The following VWC2L variants were observed in gnomAD, a reference collection of about 807,000 sequenced individuals.
The protein encoded by VWC2L is von Willebrand factor C domain containing 2 like.
In VWC2L, 10 loss-of-function variants were observed where a neutral mutation model predicts 21.6. The observed-to-expected ratio is 0.46, with a 90% CI of 0.29 to 0.78. The LOEUF is 0.78. VWC2L is among the 30% of genes least tolerant of loss of function. VWC2L has a pLI of 0.10. For synonymous variants in VWC2L, 96 were observed against 94.3 expected (o/e 1.02, Z -0.10); for missense variants, 209 against 277.1 (o/e 0.75, Z 1.74).
At chr2:214,470,309 C>G (rs961399255) in intron 3 of VWC2L, among the ~76,000 whole-genome samples, 1 of 151,006 alleles carries the variant, frequency 6.6e-6, no homozygotes, top group African/African-American at 2.4e-5. Context: ...AACTAGAACA[C>G]AACTCTCCTC....
chr2:214,528,732 A>G (rs1437602935), intron 3 of VWC2L, among the ~76,000 whole-genome samples: 1 of 152,170 alleles, frequency 6.6e-6, no homozygotes, highest in Non-Finnish European at 1.5e-5. Flanking sequence ...AACATATCAA[A>G]GTAGCGGGGA....
intron 2 of VWC2L, among the ~76,000 whole-genome samples, chr2:214,419,977 G>A (rs764720595): frequency 1.3e-5 from 2 of 152,008 alleles, no homozygotes; most frequent in Non-Finnish European, 1.5e-5. Context: ...GAGAATCGCT[G>A]GAACCTGGGA....
chr2:214,499,295 G>T (rs1344867363), intron 3 of VWC2L, among the ~76,000 whole-genome samples: 1 of 152,036 alleles, frequency 6.6e-6, no homozygotes, highest in Non-Finnish European at 1.5e-5. Context: ...TGGGATTACA[G>T]GCATGAGCCA....
intron 3 of VWC2L, among the ~76,000 whole-genome samples, chr2:214,537,392 T>A (rs1278836212): frequency 6.6e-6 from 1 of 151,960 alleles, no homozygotes; most frequent in Non-Finnish European, 1.5e-5. Context: ...CTGGAAGACA[T>A]TATGCCAAGT....
intron 3 of VWC2L, among the ~76,000 whole-genome samples, chr2:214,523,352 T>C (rs1165937855): frequency 1.3e-5 from 2 of 152,262 alleles, no homozygotes; most frequent in Non-Finnish European, 2.9e-5. Context: ...TTCTATGAGA[T>C]GCCCAACTCA....
At chr2:214,480,391 A>G (rs1249885582) in intron 3 of VWC2L, among the ~76,000 whole-genome samples, 1 of 152,228 alleles carries the variant, frequency 6.6e-6, no homozygotes, top group Non-Finnish European at 1.5e-5. Flanking sequence ...TGGAAGATGA[A>G]TGGACAATTA....
At chr2:214,416,108 G>T (rs187622482) in intron 2 of VWC2L, among the ~76,000 whole-genome samples, 1 of 151,976 alleles carries the variant, frequency 6.6e-6, no homozygotes, top group Non-Finnish European at 1.5e-5. Flanking sequence ...ATACAAAAGG[G>T]TATTGTAGGA....
intron 3 of VWC2L, among the ~76,000 whole-genome samples, chr2:214,571,915 T>C (rs573578301): frequency 6.6e-6 from 1 of 152,138 alleles, no homozygotes; most frequent in South Asian, 2.1e-4. Flanking sequence ...GCCTCCCCAG[T>C]ATCTGGGACA....
intron 3 of VWC2L, among the ~76,000 whole-genome samples, chr2:214,457,339 A>G (rs898302297): frequency 3.3e-5 from 5 of 152,104 alleles, no homozygotes; most frequent in Admixed American, 2.0e-4. Context: ...GGTGTATAGA[A>G]ACACTATTGA....
intron 3 of VWC2L, among the ~76,000 whole-genome samples, chr2:214,516,174 A>G (rs1396035824): frequency 1.3e-5 from 2 of 151,954 alleles, no homozygotes; most frequent in African/African-American, 2.4e-5. Context: ...CACCACCACA[A>G]TTGGCAAATA....
chr2:214,434,343 A>G (rs994305548), intron 2 of VWC2L, among the ~76,000 whole-genome samples: 3 of 152,152 alleles, frequency 2.0e-5, no homozygotes, highest in African/African-American at 7.2e-5. Context: ...CAAGAATGTA[A>G]CACTTGTGGC....
chr2:214,459,533 TTG>T (rs779059318), intron 3 of VWC2L, among the ~76,000 whole-genome samples: 73 of 152,306 alleles, frequency 4.8e-4, no homozygotes, highest in Non-Finnish European at 9.0e-4. Context: ...TCTTCTTCAT[TTG>T]TGTTTGCTTT....
chr2:214,494,554 GAC>G (rs777257968), intron 3 of VWC2L, among the ~76,000 whole-genome samples: 2 of 152,120 alleles, frequency 1.3e-5, no homozygotes, highest in Non-Finnish European at 2.9e-5. Context: ...TCATGTTTGT[GAC>G]AGTGTCCTCC....
intron 3 of VWC2L, among the ~76,000 whole-genome samples, chr2:214,438,073 A>G (rs1293160081): frequency 6.6e-6 from 1 of 152,094 alleles, no homozygotes; most frequent in Non-Finnish European, 1.5e-5. Flanking sequence ...AAATAAATAT[A>G]TGCAAATATA....
At position 214,576,958 on chromosome 2, in the gene VWC2L, C is replaced by T. The variant is rs944489806; in HGVS notation, c.*1138C>T. 6.6e-6 allele frequency: 1 copy of T among 152,050 alleles called. No homozygotes were observed. Among genetic ancestry groups the T allele is most frequent in the Non-Finnish European group, 1.5e-5 (1 of 68,008 alleles). 9.4% of individuals were successfully genotyped at this position (152,050 alleles called of 1,614,324 possible). ...GCACAATACAATTCCATTTGTTGAA[C>T]ATTTTTTAAAATGTATATATTAGAT... On this transcript the variant is annotated 3_prime_UTR_variant, in exon 4 of 4. Transcript: ENST00000312504.
At chr2:214,479,729 C>T (rs1279411389) in intron 3 of VWC2L, among the ~76,000 whole-genome samples, 6 of 152,100 alleles carry the variant, frequency 3.9e-5, no homozygotes, top group Non-Finnish European at 5.9e-5. Context: ...CGCTTGAATC[C>T]GCAGTGAGCT....
intron 3 of VWC2L, among the ~76,000 whole-genome samples, chr2:214,453,656 C>G (rs934944848): frequency 1.5e-4 from 23 of 151,906 alleles, no homozygotes; most frequent in Non-Finnish European, 2.8e-4. Context: ...TCCCTCAGCA[C>G]TATTTTGCTG....
At chr2:214,451,308 T>G (rs1252445028) in intron 3 of VWC2L, among the ~76,000 whole-genome samples, 217 of 112,000 alleles carry the variant, frequency 1.9e-3, no homozygotes, top group Non-Finnish European at 2.4e-3. Context: ...TGGGTCGGTG[T>G]GGGGGGGGGG....
At chr2:214,512,187 T>C (rs1003169414) in intron 3 of VWC2L, among the ~76,000 whole-genome samples, 4 of 152,166 alleles carry the variant, frequency 2.6e-5, no homozygotes, top group African/African-American at 9.7e-5. Flanking sequence ...CAAGCAACTG[T>C]GTTGCTACCT....
Sources: allele counts gnomAD v4.1 joint callset (sites outside exome capture counted in the v4.1 genomes callset), GRCh38; gene constraint gnomAD v4.1.1; transcripts MANE v1.5; gene names NCBI Gene and HGNC (gene_info 2026-07-23, HGNC 2026-07-21).